Variants in GCC2 observed in about 807,000 individuals in gnomAD.
The protein encoded by GCC2 is GRIP and coiled-coil domain containing 2.
Under a neutral mutation model 210.6 loss-of-function variants are expected in GCC2, and 120 were observed. That is an observed-to-expected ratio of 0.57 (90% confidence interval 0.49 to 0.66). The LOEUF (loss-of-function observed/expected upper bound fraction) is 0.66, where lower values mean the gene tolerates loss of function less well. Ranked by LOEUF, GCC2 falls within the 30% of genes least tolerant of loss-of-function variation. The pLI, the probability that GCC2 is intolerant of heterozygous loss-of-function variation, is 0.00. For missense variants in GCC2, 1,868 were observed against 1,871.9 expected, an observed-to-expected ratio of 1.00 and a Z score of 0.04; for synonymous variants, 703 against 652.7, an observed-to-expected ratio of 1.08 and a Z score of -1.17.
intron 9 of GCC2, among the ~76,000 whole-genome samples, chr2:108,478,698 T>TG (rs1681672117): frequency 6.6e-6 from 1 of 152,226 alleles, no homozygotes; most frequent in African/African-American, 2.4e-5. Context: ...TTGTTTATTA[T>TG]GCCCTGGCAT....
Position 108,449,269 on chromosome 2 carries a change from G to C in GCC2, c.-6G>C. ...CTGGTTGCGGGCCGGCGGCGGGCTG[G>C]CGGAGATGGAGGTAACTCAGGTCGG... On this transcript the variant is annotated 5_prime_UTR_variant, in exon 1 of 23. Transcript: ENST00000309863. 6.5e-7 allele frequency: 1 copy of C among 1,549,692 alleles called. No homozygotes were observed. The highest frequency in any genetic ancestry group is 1.2e-5 in the South Asian group (1 of 83,968).
At chr2:108,449,518 G>C in intron 1 of GCC2, 115 bp from the exon 2 acceptor site, 1 of 1,263,758 alleles carries the variant, frequency 7.9e-7, no homozygotes, top group Middle Eastern at 1.9e-4. Flanking sequence ...TCTGTCTCAC[G>C]AGGCTTTCCA....
intron 9 of GCC2, among the ~76,000 whole-genome samples, chr2:108,478,840 C>T (rs1270947749): frequency 6.6e-6 from 1 of 152,184 alleles, no homozygotes; most frequent in Non-Finnish European, 1.5e-5. Flanking sequence ...TAAACAAGCA[C>T]AGGATCTTCT....
At chr2:108,451,990 C>T (rs1430815552) in intron 3 of GCC2, among the ~76,000 whole-genome samples, 1 of 151,994 alleles carries the variant, frequency 6.6e-6, no homozygotes, top group African/African-American at 2.4e-5. Flanking sequence ...ACTGCAGGCA[C>T]CCACCACCAT....
At chr2:108,464,436 G>C (rs1324045834) in intron 4 of GCC2, among the ~76,000 whole-genome samples, 1 of 152,228 alleles carries the variant, frequency 6.6e-6, no homozygotes, top group Non-Finnish European at 1.5e-5. Flanking sequence ...TCAGGGGCTT[G>C]TGGGGACAGC....
intron 12 of GCC2, among the ~76,000 whole-genome samples, 164 bp from the exon 13 acceptor site, chr2:108,483,985 A>T (rs1412304630): frequency 6.6e-6 from 1 of 152,208 alleles, no homozygotes; most frequent in Non-Finnish European, 1.5e-5. Context: ...AGTAGAAAAT[A>T]TCCAACTCCT....
intron 4 of GCC2, among the ~76,000 whole-genome samples, chr2:108,464,353 C>A (rs1269630103): frequency 1.3e-5 from 2 of 152,176 alleles, no homozygotes; most frequent in African/African-American, 4.8e-5. Flanking sequence ...GCTGCCACCT[C>A]AGCCCAGGTT....
chr2:108,498,139 A>C (rs1255926605), intron 21 of GCC2, among the ~76,000 whole-genome samples: 1 of 149,300 alleles, frequency 6.7e-6, no homozygotes, highest in Non-Finnish European at 1.5e-5. Context: ...CAAATCACTA[A>C]CTAGCCCAGT....
chr2:108,496,020 A>G (rs1379867724), intron 20 of GCC2: 1 of 152,618 alleles, frequency 6.6e-6, no homozygotes, highest in African/African-American at 2.4e-5. Context: ...CTTTAATCCA[A>G]TCAGCTTGAC....
rs1325905244 is a variant in GCC2, at chr2:108,475,516, A to G, written c.2861-19A>G. ...TTCCTTTTGAGTTCGTATGTAATCC[A>G]TTTATTTTCTATTTTTAGAAAATCT... On this transcript the variant is annotated intron_variant, in intron 7 of 22. Transcript: ENST00000309863. 1.5e-5 allele frequency: 18 copies of G among 1,202,062 alleles called. No homozygotes were observed. Among genetic ancestry groups the G allele is most frequent in the Non-Finnish European group, 2.1e-5 (18 of 858,462 alleles). 74.5% of individuals were successfully genotyped at this position (1,202,062 alleles called of 1,614,324 possible). A position where few individuals can be genotyped will look rare whatever the true frequency, so the allele number is the denominator to read the frequency against.
chr2:108,449,230 A>T lies in GCC2; in HGVS notation c.-45A>T, dbSNP rs1393404342. The T allele has an allele frequency of 1.9e-6, 3 of 1,543,110 alleles. No individual in the cohort carries two copies. Among genetic ancestry groups the T allele is most frequent in the Non-Finnish European group, 2.6e-6 (3 of 1,140,056 alleles). On this transcript the variant is annotated 5_prime_UTR_variant, in exon 1 of 23. Coordinates refer to ENST00000309863, the MANE Select transcript of GCC2 (RefSeq NM_181453.4). ...CAGAGGCTGGCGCAAACAGAAGTGC[A>T]GCGGTGGCGGCGGCTGGTTGCGGGC...
At position 108,471,775 on chromosome 2, in the gene GCC2, A is replaced by G. The variant is rs202022886; in HGVS notation, c.2446A>G (p.Lys816Glu). 5.6e-5 allele frequency: 90 copies of G among 1,613,230 alleles called. No homozygotes were observed. The African/African-American group carries it at 1.1e-3, about 21-fold the overall frequency. ...AGTATTAGAGTTAGAAAAAGAGATT[A>G]AGTGCCTTCAAGAAGAGAGTGTAGT... The part of the protein sequence containing the change: ...EKVLELEKEI[K>E]CLQEESVVQC... Residue 816 changes from lysine (K) to glutamate (E), a missense_variant, in exon 6 of 23, where the codon AAG becomes GAG. Physicochemically the swap from Lys to Glu is moderately conservative, Grantham distance 56. Coordinates refer to ENST00000309863, the MANE Select transcript of GCC2 (RefSeq NM_181453.4).
chr2:108,450,994 T>C, intron 2 of GCC2, 34 bp from the exon 3 acceptor site: 1 of 1,372,652 alleles, frequency 7.3e-7, no homozygotes, highest in Non-Finnish European at 1.0e-6. Flanking sequence ...AAACATGAGT[T>C]ATAACAAGTT....
chr2:108,480,222 C>T (rs1172963055), intron 9 of GCC2, among the ~76,000 whole-genome samples: 1 of 152,148 alleles, frequency 6.6e-6, no homozygotes, highest in African/African-American at 2.4e-5. Flanking sequence ...CACCTCACAT[C>T]AGTCAGGATG....
rs143618897 is a variant in GCC2 at position 108,480,518 on chromosome 2, A to C, written c.3061-1179A>C. ...ATCAACCGAAAGGCCTGTCAGTGGT[A>C]GACTGGATAAAGAAAATTGGTATAT... On this transcript the variant is annotated intron_variant, in intron 9 of 22. Coordinates refer to ENST00000309863, the MANE Select transcript of GCC2 (RefSeq NM_181453.4). Among the ~76,000 whole-genome samples, 319 of 152,348 alleles carry C rather than the reference A, an allele frequency of 2.1e-3. 3 individuals are homozygous for C. The highest frequency in any genetic ancestry group is 7.3e-3 in the African/African-American group (304 of 41,584).
intron 10 of GCC2, 55 bp downstream of exon 10, chr2:108,481,871 A>G: frequency 7.8e-7 from 1 of 1,284,218 alleles, no homozygotes. Flanking sequence ...TTTTAATCTC[A>G]ATACTTTTTG....
chr2:108,471,851 T>C lies in GCC2; in HGVS notation c.2522T>C (p.Val841Ala), dbSNP rs771631848. 8 of 1,613,364 alleles carry C rather than the reference T, an allele frequency of 5.0e-6. No individual in the cohort carries two copies. In the Middle Eastern group the frequency reaches 1.2e-3, roughly 233 times the overall value. Residue 841 changes from valine to alanine, a missense_variant, in exon 6 of 23, where the codon GTT becomes GCT. This residue lies in a region of GCC2 where 1,847 missense variants were observed against 1,765.2 expected (regional missense o/e 1.05). Coordinates refer to ENST00000309863, the MANE Select transcript of GCC2 (RefSeq NM_181453.4). ...SLLRDYEQEKVLLRKELEEIQ... is the reference protein window; with the variant it reads ...SLLRDYEQEKALLRKELEEIQ... ...TTGAGAGACTATGAGCAAGAGAAAG[T>C]TCTCTTAAGGAAAGAGTTAGAAGAA... is the stretch of plus-strand genomic sequence containing the variant.
intron 17 of GCC2, among the ~76,000 whole-genome samples, 165 bp from the exon 18 acceptor site, chr2:108,489,673 T>C (rs1413749255): frequency 8.0e-6 from 1 of 125,320 alleles, no homozygotes; most frequent in Non-Finnish European, 1.8e-5. Context: ...GGCTATAATA[T>C]CTTTTTATTA....
chr2:108,500,998 G>A (rs925444117), intron 22 of GCC2, among the ~76,000 whole-genome samples: 3 of 152,062 alleles, frequency 2.0e-5, no homozygotes, highest in South Asian at 4.2e-4. Context: ...TTTTGTTGTC[G>A]TGTTTTTGTT....
Sources: gnomAD v4.1 joint callset for allele counts (sites outside exome capture counted in the v4.1 genomes callset) on GRCh38, gnomAD v4.1.1 for gene constraint, gnomAD v4.1.1 regional missense constraint, MANE v1.5 for transcripts, NCBI Gene and HGNC (gene_info 2026-07-23, HGNC 2026-07-21) for gene names.